Variants in CALU observed in about 807,000 individuals in gnomAD.
CALU encodes calumenin, also known as IEF SSP 9302.
Under a neutral mutation model 37.5 loss-of-function variants are expected in CALU, and 13 were observed. The observed-to-expected ratio is 0.35, with a 90% CI of 0.23 to 0.55. CALU has a LOEUF of 0.55. Among genes scored for constraint, CALU ranks in the 20% least tolerant of loss-of-function variants. CALU has a pLI of 0.89. For synonymous variants in CALU, 114 were observed against 133.8 expected, an observed-to-expected ratio of 0.85 and a Z score of 1.02; for missense variants, 282 against 391.7, an observed-to-expected ratio of 0.72 and a Z score of 2.36.
chr7:128,748,289 G>A (rs1800523249), intron 1 of CALU: 4 of 1,075,968 alleles, frequency 3.7e-6, no homozygotes, highest in Admixed American at 2.7e-5. Context: ...TTCTACTTTG[G>A]TATCTTTTGA....
At chr7:128,752,184 A>G (rs993230489) in intron 2 of CALU, among the ~76,000 whole-genome samples, 1 of 152,192 alleles carries the variant, frequency 6.6e-6, no homozygotes, top group African/African-American at 2.4e-5. Context: ...TATGTTGCCC[A>G]CAAAGTCAAA....
At chr7:128,752,057 C>T (rs190870334) in intron 2 of CALU, among the ~76,000 whole-genome samples, 2 of 152,152 alleles carry the variant, frequency 1.3e-5, no homozygotes, top group Admixed American at 1.3e-4. Context: ...AGGATGTGCC[C>T]ACTTCCAGTG....
In CALU at chr7:128,748,639, G is replaced by C; in HGVS notation, c.56G>C (p.Ser19Thr). 1 of 1,614,154 alleles carries C rather than the reference G, an allele frequency of 6.2e-7. No individual in the cohort carries two copies. Among genetic ancestry groups the C allele is most frequent in the South Asian group, 1.1e-5 (1 of 91,076 alleles). Residue 19 changes from serine (S) to threonine (T), a missense_variant, in exon 2 of 7, where the codon AGC (serine) becomes ACC (threonine). Coordinates refer to ENST00000249364, the MANE Select transcript of CALU (RefSeq NM_001219.5). The stretch of plus-strand genomic sequence containing the variant: ...TCCCTGTGCACAGCCTTTGCCTTGA[G>C]CAAACCCACAGAAAAGAAGGACCGT... ...CLSLCTAFAL[S>T]KPTEKKDRVH...
In CALU at chr7:128,769,186, T is replaced by A. The variant is rs1171207756; in HGVS notation, c.*19T>A. On this transcript the variant is annotated 3_prime_UTR_variant, in exon 7 of 7. Coordinates refer to ENST00000249364, the MANE Select transcript of CALU (RefSeq NM_001219.5). ...GTTCTGAGCTACGGAGGAACCCTCA[T>A]TTCCTCAAAAGTAATTTATTTTTAC... 1.6e-6 allele frequency: 2 copies of A among 1,269,296 alleles called. No individual in the cohort carries two copies. The highest frequency in any genetic ancestry group is 4.6e-5 in the East Asian group (2 of 43,168). 78.6% of individuals were successfully genotyped at this position (1,269,296 alleles called of 1,614,324 possible). A position where few individuals can be genotyped will look rare whatever the true frequency, so the allele number is the denominator to read the frequency against.
rs1216108953 is a variant in CALU at position 128,772,001 on chromosome 7, A to G, written c.*2834A>G. 6.6e-6 allele frequency among the ~76,000 whole-genome samples: 1 copy of G among 152,004 alleles called. No homozygotes were observed. The highest frequency in any genetic ancestry group is 1.9e-4 in the East Asian group (1 of 5,180). ...CTTGTGGACATGGCTGTTCCTGCCA[A>G]AGCTGTAGCAGTTATCCAAAAGTTC... On this transcript the variant is annotated 3_prime_UTR_variant, in exon 7 of 7. Coordinates refer to ENST00000249364, the MANE Select transcript of CALU (RefSeq NM_001219.5).
intron 2 of CALU, among the ~76,000 whole-genome samples, chr7:128,753,422 T>C (rs1563130083): frequency 1.3e-5 from 2 of 152,258 alleles, no homozygotes; most frequent in South Asian, 2.1e-4. Context: ...GGACATATTT[T>C]TAAATCCATA....
intron 3 of CALU, 45 bp from the exon 4 acceptor site, chr7:128,758,826 T>G: frequency 7.3e-7 from 1 of 1,370,834 alleles, no homozygotes; most frequent in Non-Finnish European, 1.0e-6. Flanking sequence ...ATTTTCATGT[T>G]TTCTGAAAGT....
chr7:128,772,481 A>C lies in CALU; in HGVS notation c.*3314A>C. ...GTTTGGTTTCTGACGGAGACAATAGAAACTTACTTAAAAGTAAAATTTAAT... is the reference window on the plus strand; with the variant it reads ...GTTTGGTTTCTGACGGAGACAATAGCAACTTACTTAAAAGTAAAATTTAAT... On this transcript the variant is annotated 3_prime_UTR_variant, in exon 7 of 7. Transcript: ENST00000249364. The C allele has an allele frequency of 6.2e-7, 1 of 1,606,744 alleles. No homozygotes were observed. Among genetic ancestry groups the C allele is most frequent in the South Asian group, 1.1e-5 (1 of 90,730 alleles).
At chr7:128,743,750 C>T (rs529188088) in intron 1 of CALU, among the ~76,000 whole-genome samples, 72 of 152,210 alleles carry the variant, frequency 4.7e-4, no homozygotes, top group African/African-American at 1.7e-3. Flanking sequence ...GCATTCCATC[C>T]GCCTTGGCCC....
intron 2 of CALU, among the ~76,000 whole-genome samples, chr7:128,750,783 T>G (rs1284827284): frequency 1.3e-5 from 2 of 152,202 alleles, no homozygotes; most frequent in Non-Finnish European, 2.9e-5. Context: ...ACATAATTAT[T>G]AAGAGATAAG....
intron 5 of CALU, among the ~76,000 whole-genome samples, chr7:128,764,749 C>T (rs1220045659): frequency 4.0e-5 from 6 of 149,324 alleles, no homozygotes; most frequent in Non-Finnish European, 5.9e-5. Context: ...TTAGTTATGG[C>T]GTTTGGTTAG....
chr7:128,758,812 A>G (rs527317875), intron 3 of CALU, 59 bp from the exon 4 acceptor site: 258 of 1,199,404 alleles, frequency 2.2e-4, no homozygotes, highest in Admixed American at 1.7e-3. Flanking sequence ...TTCCCACCCC[A>G]CACATTTTCA....
intron 3 of CALU, among the ~76,000 whole-genome samples, chr7:128,757,202 G>C (rs373106979): frequency 6.6e-6 from 1 of 152,124 alleles, no homozygotes; most frequent in African/African-American, 2.4e-5. Context: ...GGGGAGGAGA[G>C]CACTTATGTA....
In CALU at chr7:128,755,348, A is replaced by G. The variant is rs190056592; in HGVS notation, c.415+893A>G. Among the ~76,000 whole-genome samples, 5 of 150,620 alleles carry G rather than the reference A, an allele frequency of 3.3e-5. No homozygotes were observed. The East Asian group carries it at 9.7e-4, about 29-fold the overall frequency. ...AAAAAAAAAAAGAGGCTATGAGGCTACATACTTCCAACAGTGCAAAGCAAG... is the reference window on the plus strand; with the variant it reads ...AAAAAAAAAAAGAGGCTATGAGGCTGCATACTTCCAACAGTGCAAAGCAAG... On this transcript the variant is annotated intron_variant, in intron 3 of 6. Coordinates refer to ENST00000249364, the MANE Select transcript of CALU (RefSeq NM_001219.5).
intron 1 of CALU, among the ~76,000 whole-genome samples, chr7:128,746,926 G>A (rs949107939): frequency 4.0e-5 from 6 of 151,828 alleles, no homozygotes; most frequent in Non-Finnish European, 7.4e-5. Context: ...CCACCACCAC[G>A]CCCGGCTAAT....
chr7:128,751,970 C>T (rs1190996679), intron 2 of CALU, among the ~76,000 whole-genome samples: 1 of 152,206 alleles, frequency 6.6e-6, no homozygotes, highest in African/African-American at 2.4e-5. Flanking sequence ...TCCCCTGTCA[C>T]AGGACTATGA....
intron 5 of CALU, among the ~76,000 whole-genome samples, chr7:128,762,531 G>A (rs1202767460): frequency 3.4e-5 from 5 of 149,238 alleles, no homozygotes; most frequent in South Asian, 2.1e-4. Context: ...CATAAATTTA[G>A]CATTAAAAAG....
chr7:128,755,280 C>T (rs1800832403), intron 3 of CALU, among the ~76,000 whole-genome samples: 1 of 131,808 alleles, frequency 7.6e-6, no homozygotes, highest in Non-Finnish European at 1.5e-5. Context: ...CTGCTGCACA[C>T]CAGCCTTGGG....
At position 128,759,031 on chromosome 7, in the gene CALU, A is replaced by C; in HGVS notation, c.576A>C (p.Val192=). 1 of 1,609,624 alleles carries C rather than the reference A, an allele frequency of 6.2e-7. No individual in the cohort carries two copies. The highest frequency in any genetic ancestry group is 8.5e-7 in the Non-Finnish European group (1 of 1,178,022). ...AGTATGACTACATGAAAGATATAGT[A>C]GTACAGGTGGGTGAGATGAAGGATT... is the stretch of plus-strand genomic sequence containing the variant. ...PEEYDYMKDI[V]VQETMEDIDK... is the part of the protein sequence containing the mutation. Residue 192 remains valine, a synonymous_variant, in exon 4 of 7, where the codon GTA becomes GTC. Coordinates refer to ENST00000249364, the MANE Select transcript of CALU (RefSeq NM_001219.5).
Sources: gnomAD v4.1 joint callset for allele counts (sites outside exome capture counted in the v4.1 genomes callset) on GRCh38, gnomAD v4.1.1 for gene constraint, MANE v1.5 for transcripts, NCBI Gene and HGNC (gene_info 2026-07-23, HGNC 2026-07-21) for gene names.